Variants in SS18L1 observed in about 807,000 individuals in gnomAD.
SS18L1 encodes the protein calcium-responsive transactivator.
In SS18L1, 32 loss-of-function variants were observed where a neutral mutation model predicts 70.3. The ratio of observed to expected loss-of-function variants is 0.46; its 90% CI spans 0.34 to 0.61. The LOEUF is 0.61. Ranked by LOEUF, SS18L1 falls within the 20% of genes least tolerant of loss-of-function variation. The pLI, the probability that SS18L1 is intolerant of heterozygous loss-of-function variation, is 0.01. For synonymous variants in SS18L1, 237 were observed against 229.7 expected (o/e 1.03, Z -0.29); for missense variants, 430 against 542.1 (o/e 0.79, Z 2.05).
At chr20:62,166,473 C>T (rs780821259) in intron 8 of SS18L1, among the ~76,000 whole-genome samples, 8 of 152,184 alleles carry the variant, frequency 5.3e-5, no homozygotes, top group Non-Finnish European at 1.0e-4. Context: ...TCTGAGCTTA[C>T]ACATCTCAGC....
At chr20:62,160,446 C>T (rs547050124) in intron 3 of SS18L1, among the ~76,000 whole-genome samples, 14 of 148,622 alleles carry the variant, frequency 9.4e-5, no homozygotes, top group Middle Eastern at 3.4e-3. Flanking sequence ...TGGAGCCTCT[C>T]CGGGTGCTTT....
intron 1 of SS18L1, among the ~76,000 whole-genome samples, chr20:62,150,290 C>T (rs370635588): frequency 8.5e-5 from 13 of 152,236 alleles, no homozygotes; most frequent in African/African-American, 1.7e-4. Context: ...GGGGCAGGGA[C>T]GGAGCAGCTC....
In SS18L1 at chr20:62,158,201, G is replaced by A. The variant is rs959018981; in HGVS notation, c.70-471G>A. 6.6e-6 allele frequency among the ~76,000 whole-genome samples: 1 copy of A among 152,122 alleles called. No individual in the cohort carries two copies. Among genetic ancestry groups the A allele is most frequent in the African/African-American group, 2.4e-5 (1 of 41,408 alleles). On this transcript the variant is annotated intron_variant, in intron 1 of 10. Transcript: ENST00000331758. The surrounding 1 kb of genome is among the most constrained non-coding windows in gnomAD (Gnocchi z 4.5). Reference sequence around the variant, plus strand: ...CTGCCGTCAAGGGCCCTGGAAGCTGGAGGGTCCTTCGGGCTGGGGGCTGCT... The same window carrying A: ...CTGCCGTCAAGGGCCCTGGAAGCTGAAGGGTCCTTCGGGCTGGGGGCTGCT...
At chr20:62,177,404 C>G (rs557772862) in intron 10 of SS18L1, among the ~76,000 whole-genome samples, 1 of 152,140 alleles carries the variant, frequency 6.6e-6, no homozygotes, top group South Asian at 2.1e-4. Flanking sequence ...GGTGCAGGAG[C>G]AGAAAGACAT....
At chr20:62,160,361 A>G (rs28439677) in intron 3 of SS18L1, among the ~76,000 whole-genome samples, 24 of 9,700 alleles carry the variant, frequency 2.5e-3, no homozygotes, top group African/African-American at 0.011. Context: ...GAGAGGTGGG[A>G]TGGGGAGAGG....
At chr20:62,178,513 C>G (rs1180701596) in intron 10 of SS18L1, among the ~76,000 whole-genome samples, 1 of 152,050 alleles carries the variant, frequency 6.6e-6, no homozygotes, top group East Asian at 1.9e-4. Context: ...CCAGGCTGGT[C>G]TCAAACTCCT....
intron 1 of SS18L1, 38 bp downstream of exon 1, chr20:62,143,927 C>A (rs759010224): frequency 2.8e-5 from 28 of 1,009,736 alleles, no homozygotes; most frequent in African/African-American, 3.5e-5. Context: ...GGCGGCGGGT[C>A]TGCGGGCGGG....
At chr20:62,169,130 A>C (rs1391830401) in intron 8 of SS18L1, among the ~76,000 whole-genome samples, 1 of 152,208 alleles carries the variant, frequency 6.6e-6, no homozygotes, top group Non-Finnish European at 1.5e-5. Context: ...AGTGACGCAT[A>C]CTGGACAGAG....
intron 5 of SS18L1, 62 bp downstream of exon 5, chr20:62,162,993 T>C: frequency 6.4e-7 from 1 of 1,571,820 alleles, no homozygotes; most frequent in Non-Finnish European, 8.6e-7. Flanking sequence ...CCTTGACACA[T>C]GCACGTTGGA....
chr20:62,144,552 C>T (rs1022675957), intron 1 of SS18L1, among the ~76,000 whole-genome samples: 3 of 152,254 alleles, frequency 2.0e-5, no homozygotes, highest in Non-Finnish European at 4.4e-5. Flanking sequence ...CGTATCCTCG[C>T]GGCTACGCCG....
chr20:62,171,093 G>A (rs1030745948), intron 8 of SS18L1, among the ~76,000 whole-genome samples: 1 of 151,952 alleles, frequency 6.6e-6, no homozygotes, highest in Non-Finnish European at 1.5e-5. Context: ...TAGTAGAGAC[G>A]GGGTTTCACC....
At chr20:62,148,744 C>T (rs1458012448) in intron 1 of SS18L1, among the ~76,000 whole-genome samples, 3 of 152,260 alleles carry the variant, frequency 2.0e-5, no homozygotes, top group Non-Finnish European at 4.4e-5. Context: ...TGGCCTCTGT[C>T]CCCCCTCTGC....
Position 62,159,201 on chromosome 20 carries a change from G to A in SS18L1, c.146+453G>A, listed in dbSNP as rs1391398276. On this transcript the variant is annotated intron_variant, in intron 2 of 10. Coordinates refer to ENST00000331758, the MANE Select transcript of SS18L1 (RefSeq NM_198935.3). This position sits in a 1 kb window ranked among gnomAD's most constrained non-coding sequence, Gnocchi z 4.4. ...TCTGTGGCCAACAGCCAGCGCACCAGGAGACAGCACCTACTCCAGGTGGGA... is the reference window on the plus strand; with the variant it reads ...TCTGTGGCCAACAGCCAGCGCACCAAGAGACAGCACCTACTCCAGGTGGGA... 6.6e-6 allele frequency among the ~76,000 whole-genome samples: 1 copy of A among 152,230 alleles called. No homozygotes were observed. Among genetic ancestry groups the A allele is most frequent in the African/African-American group, 2.4e-5 (1 of 41,472 alleles).
chr20:62,174,042 C>T lies in SS18L1; in HGVS notation c.1037-475C>T, dbSNP rs2057577836. 1.3e-5 allele frequency among the ~76,000 whole-genome samples: 2 copies of T among 151,926 alleles called. No homozygotes were observed. Among genetic ancestry groups the T allele is most frequent in the Admixed American group, 6.6e-5 (1 of 15,238 alleles). On this transcript the variant is annotated intron_variant, in intron 9 of 10. Coordinates refer to ENST00000331758, the MANE Select transcript of SS18L1 (RefSeq NM_198935.3). This position sits in a 1 kb window ranked among gnomAD's most constrained non-coding sequence, Gnocchi z 4.1. ...TAAAAAAAAAAAAAAAAATTGGCCT[C>T]TATCAGTTCTTGCCGGAGCCTTTGA...
Position 62,159,892 on chromosome 20 carries a change from G to A in SS18L1, c.162G>A (p.Leu54=), listed in dbSNP as rs764759820. Residue 54 remains leucine (L), a synonymous_variant, in exon 3 of 11, where the codon CTG becomes CTA. Coordinates refer to ENST00000331758, the MANE Select transcript of SS18L1 (RefSeq NM_198935.3). The surrounding 1 kb of genome is among the most constrained non-coding windows in gnomAD (Gnocchi z 4.4). ...TCTCCTGCAGGTACCAGCAGATCCTGCACCGGAACCTGGTATACCTGGCCA... is the reference window on the plus strand; with the variant it reads ...TCTCCTGCAGGTACCAGCAGATCCTACACCGGAACCTGGTATACCTGGCCA... ...TAECTQYQQI[L]HRNLVYLATI... The A allele has an allele frequency of 1.2e-6, 2 of 1,612,640 alleles. No homozygotes were observed. Among genetic ancestry groups the A allele is most frequent in the Non-Finnish European group, 1.7e-6 (2 of 1,179,888 alleles).
At position 62,180,852 on chromosome 20, in the gene SS18L1, A is replaced by C. The variant is rs1470607105; in HGVS notation, c.*1644A>C. On this transcript the variant is annotated 3_prime_UTR_variant, in exon 11 of 11. Coordinates refer to ENST00000331758, the MANE Select transcript of SS18L1 (RefSeq NM_198935.3). Reference sequence around the variant, plus strand: ...AGAGGTTGTGGTGGGGCAAGATCGCACCATTGCACCCGAGCCTAGGCAACA... The same window carrying C: ...AGAGGTTGTGGTGGGGCAAGATCGCCCCATTGCACCCGAGCCTAGGCAACA... 2.4e-5 allele frequency: 4 copies of C among 168,652 alleles called. No individual in the cohort carries two copies. Among genetic ancestry groups the C allele is most frequent in the Non-Finnish European group, 2.6e-5 (2 of 77,476 alleles). The allele number at this position is 168,652 out of a possible 1,614,324, so 10.4% of individuals were successfully genotyped here.
chr20:62,157,156 C>T (rs1016937227), intron 1 of SS18L1, among the ~76,000 whole-genome samples: 1 of 152,172 alleles, frequency 6.6e-6, no homozygotes, highest in Admixed American at 6.5e-5. Context: ...GGCCTGTGGG[C>T]GTCCTGTGTG....
intron 10 of SS18L1, chr20:62,175,190 C>T: frequency 1.0e-6 from 1 of 970,864 alleles, no homozygotes; most frequent in Non-Finnish European, 1.2e-6. Flanking sequence ...GGGGGAAGCC[C>T]TTTCTGCCCA....
intron 7 of SS18L1, 81 bp from the exon 8 acceptor site, chr20:62,165,341 C>A: frequency 7.2e-7 from 1 of 1,384,538 alleles, no homozygotes; most frequent in Non-Finnish European, 9.9e-7. Flanking sequence ...AACATCTCCC[C>A]AGCCTGGGTC....
Sources: gnomAD v4.1 joint callset for allele counts (sites outside exome capture counted in the v4.1 genomes callset) on GRCh38, gnomAD v4.1.1 for gene constraint, Gnocchi (gnomAD v3.1) non-coding constraint, MANE v1.5 for transcripts, NCBI Gene and HGNC (gene_info 2026-07-23, HGNC 2026-07-21) for gene names.